NBAS: variants seen among roughly 807,000 people sequenced by gnomAD.
NBAS encodes NBAS subunit of NRZ tethering complex, also known as NAG/BC035112 fusion.
In NBAS, 219 loss-of-function variants were observed where a neutral mutation model predicts 302.5. The observed-to-expected ratio is 0.72, with a 90% confidence interval of 0.65 to 0.81. NBAS has a LOEUF of 0.81. NBAS is among the 30% of genes least tolerant of loss of function. The pLI is 0.00. For missense variants in NBAS, 2,932 were observed against 2,841.6 expected, an observed-to-expected ratio of 1.03 and a Z score of -0.72; for synonymous variants, 1,118 against 1,021.6, an observed-to-expected ratio of 1.09 and a Z score of -1.80.
chr2:14,789,883 A>G, the NBAS span, among the ~76,000 whole-genome samples: 3 of 152,256 alleles, frequency 2.0e-5, no homozygotes, highest in Non-Finnish European at 4.4e-5. Flanking sequence ...TAACAAATAA[A>G]TAAATGAAAC....
intron 21 of NBAS, among the ~76,000 whole-genome samples, chr2:15,434,987 T>C (rs1229151776): frequency 6.6e-6 from 1 of 152,154 alleles, no homozygotes; most frequent in East Asian, 1.9e-4. Flanking sequence ...TCACATTACA[T>C]GAAGACAAGC....
At chr2:14,789,526 G>T in the NBAS span, among the ~76,000 whole-genome samples, 1 of 152,128 alleles carries the variant, frequency 6.6e-6, no homozygotes, top group South Asian at 2.1e-4. Flanking sequence ...GGGTATTCAG[G>T]CCATATATTG....
the NBAS span, among the ~76,000 whole-genome samples, chr2:14,928,389 T>C: frequency 2.0e-5 from 3 of 152,190 alleles, no homozygotes; most frequent in Admixed American, 6.5e-5. Flanking sequence ...AGAGAAAATA[T>C]AGGAGTTAAA....
intron 45 of NBAS, among the ~76,000 whole-genome samples, chr2:15,236,647 G>A (rs1022535625): frequency 4.0e-5 from 6 of 148,876 alleles, no homozygotes; most frequent in African/African-American, 1.5e-4. Context: ...AATTTTAGAT[G>A]TGTTTATTTA....
At chr2:14,930,739 C>T in the NBAS span, among the ~76,000 whole-genome samples, 1 of 152,288 alleles carries the variant, frequency 6.6e-6, no homozygotes, top group South Asian at 2.1e-4. Context: ...CACTACTTAA[C>T]AAACAGACTC....
In NBAS at chr2:15,330,714, T is replaced by C. The variant is rs1558540856; in HGVS notation, c.4231A>G (p.Thr1411Ala). 2 of 1,614,074 alleles carry C rather than the reference T, an allele frequency of 1.2e-6. No homozygotes were observed. Among genetic ancestry groups the C allele is most frequent in the Admixed American group, 1.7e-5 (1 of 60,002 alleles). Residue 1411 changes from threonine to alanine, a missense_variant, in exon 36 of 52, where the codon ACT (threonine) becomes GCT (alanine). Coordinates refer to ENST00000281513, the MANE Select transcript of NBAS (RefSeq NM_015909.4). Reference protein sequence around the residue: ...SNSADLLRWTTATTMKVLSNT... With the variant: ...SNSADLLRWTAATTMKVLSNT... Reference sequence around the variant, plus strand: ...GAAAGGACTTTCATGGTGGTAGCAGTGGTCCAGCGCAATAGGTCAGCTGAA... The same window carrying C: ...GAAAGGACTTTCATGGTGGTAGCAGCGGTCCAGCGCAATAGGTCAGCTGAA...
At chr2:14,848,502 G>A in the NBAS span, among the ~76,000 whole-genome samples, 1 of 144,250 alleles carries the variant, frequency 6.9e-6, no homozygotes, top group Non-Finnish European at 1.5e-5. Context: ...GCTGGGGGAG[G>A]GGCGCCCGCC....
intron 25 of NBAS, among the ~76,000 whole-genome samples, chr2:15,402,611 A>G (rs974510711): frequency 6.6e-6 from 1 of 152,214 alleles, no homozygotes; most frequent in African/African-American, 2.4e-5. Context: ...GCAATTCATT[A>G]AGAACATTTC....
the NBAS span, among the ~76,000 whole-genome samples, chr2:15,087,194 T>C: frequency 6.8e-6 from 1 of 146,652 alleles, no homozygotes; most frequent in East Asian, 2.0e-4. Flanking sequence ...CCATATCATG[T>C]GGGCCAATTC....
intron 32 of NBAS, among the ~76,000 whole-genome samples, chr2:15,362,576 C>T (rs1673987376): frequency 6.6e-6 from 1 of 152,082 alleles, no homozygotes; most frequent in African/African-American, 2.4e-5. Context: ...TAGAATAACA[C>T]ACTCATGATT....
intron 30 of NBAS, among the ~76,000 whole-genome samples, chr2:15,376,042 T>C (rs4668447): frequency 0.62 from 94,866 of 152,000 alleles, 30,344 homozygotes; most frequent in Middle Eastern, 0.68. Context: ...TTAAAAATGA[T>C]GGAAGGATAA....
the NBAS span, among the ~76,000 whole-genome samples, chr2:15,147,351 T>A: frequency 6.6e-6 from 1 of 152,088 alleles, no homozygotes; most frequent in Non-Finnish European, 1.5e-5. Flanking sequence ...CCCAGCACTT[T>A]GGGAGGCTGA....
At position 15,275,485 on chromosome 2, in the gene NBAS, T is replaced by C; in HGVS notation, c.5723A>G (p.Lys1908Arg). 3 of 1,614,010 alleles carry C rather than the reference T, an allele frequency of 1.9e-6. No individual in the cohort carries two copies. Among genetic ancestry groups the C allele is most frequent in the Non-Finnish European group, 2.5e-6 (3 of 1,179,950 alleles). The change falls in exon 44 of 52, where the codon AAG becomes AGG. Residue 1908 changes from lysine to arginine, a missense_variant and splice_region_variant. Transcript: ENST00000281513. ...AVTFSPKAVT[K>R]LSVEARKEMT... The stretch of plus-strand genomic sequence containing the variant: ...ACTTTAAAATATCTTTTTGTTTACC[T>C]TGGTCACAGCTTTTGGAGAAAATGT...
rs1351680228 is a variant in NBAS at position 15,232,434 on chromosome 2, C to T, written c.6224G>A (p.Ser2075Asn). The part of the protein sequence containing the change: ...LEGVVAAVHA[S>N]VDKGEELVSP... Reference sequence around the variant, plus strand: ...GTTCTAGTCTTACCCCTTGTCCACACTGGCGTGGACTGCTGCAACAACACC... The same window carrying T: ...GTTCTAGTCTTACCCCTTGTCCACATTGGCGTGGACTGCTGCAACAACACC... Residue 2075 changes from serine (S) to asparagine (N), a missense_variant, in exon 47 of 52, where the codon AGT becomes AAT. Physicochemically the swap from Ser to Asn is conservative, Grantham distance 46 (BLOSUM62 1). Coordinates refer to ENST00000281513, the MANE Select transcript of NBAS (RefSeq NM_015909.4). 1.2e-6 allele frequency: 2 copies of T among 1,614,154 alleles called. No individual in the cohort carries two copies. The highest frequency in any genetic ancestry group is 2.2e-5 in the East Asian group (1 of 44,886).
At chr2:15,501,666 T>C (rs1219886116) in intron 11 of NBAS, among the ~76,000 whole-genome samples, 1 of 145,294 alleles carries the variant, frequency 6.9e-6, no homozygotes, top group Non-Finnish European at 1.5e-5. Flanking sequence ...CTCGGCTCAC[T>C]GCAAGCTCCG....
intron 48 of NBAS, among the ~76,000 whole-genome samples, chr2:15,209,694 G>A (rs1666317356): frequency 6.6e-6 from 1 of 152,066 alleles, no homozygotes. Context: ...CAACAAAACT[G>A]GAGGAATCAT....
At chr2:15,444,357 A>T (rs1678609722) in intron 21 of NBAS, among the ~76,000 whole-genome samples, 1 of 152,228 alleles carries the variant, frequency 6.6e-6, no homozygotes, top group Admixed American at 6.5e-5. Flanking sequence ...TCGCATATCT[A>T]CAACTATCTG....
At chr2:15,082,024 T>C in the NBAS span, among the ~76,000 whole-genome samples, 2 of 152,148 alleles carry the variant, frequency 1.3e-5, no homozygotes, top group Non-Finnish European at 1.5e-5. Context: ...ACCAGGGAAA[T>C]TGTAATAATT....
chr2:14,811,540 A>G, the NBAS span, among the ~76,000 whole-genome samples: 1 of 152,242 alleles, frequency 6.6e-6, no homozygotes, highest in Admixed American at 6.5e-5. Flanking sequence ...CATGACCGGA[A>G]GGACATCATG....
Sources: gnomAD v4.1 joint callset for allele counts (sites outside exome capture counted in the v4.1 genomes callset) on GRCh38, gnomAD v4.1.1 for gene constraint, MANE v1.5 for transcripts, NCBI Gene and HGNC (gene_info 2026-07-23, HGNC 2026-07-21) for gene names.